The following CENPC variants were observed in gnomAD, a reference collection of about 807,000 sequenced individuals.
The protein encoded by CENPC is centromere protein C, also known as CENP-C 1.
A neutral mutation model predicts 112.1 loss-of-function variants in CENPC; 63 were observed. The ratio of observed to expected loss-of-function variants is 0.56; its 90% confidence interval spans 0.46 to 0.69. The LOEUF (loss-of-function observed/expected upper bound fraction) is 0.69. Among genes scored for constraint, CENPC ranks in the 30% least tolerant of loss-of-function variants. The probability of loss-of-function intolerance (pLI) is 0.00; values close to 1 mark genes in which losing one functional copy is unlikely to be tolerated. For missense variants in CENPC, 1,000 were observed against 1,103.8 expected, an observed-to-expected ratio of 0.91 and a Z score of 1.33; for synonymous variants, 333 against 367.6, an observed-to-expected ratio of 0.91 and a Z score of 1.08.
At chr4:67,519,579 G>T in intron 5 of CENPC, 77 bp from the exon 6 acceptor site, 2 of 970,958 alleles carry the variant, frequency 2.1e-6, no homozygotes, top group Non-Finnish European at 2.9e-6. Context: ...TAAAAATTCT[G>T]CAATAATTTA....
intron 11 of CENPC, 70 bp downstream of exon 11, chr4:67,506,718 C>T: frequency 8.5e-7 from 1 of 1,181,930 alleles, no homozygotes; most frequent in Non-Finnish European, 1.1e-6. Flanking sequence ...AAATAAAGTT[C>T]TTGGGTAATC....
At chr4:67,487,028 T>A (rs564226678) in intron 17 of CENPC, among the ~76,000 whole-genome samples, 57 of 150,530 alleles carry the variant, frequency 3.8e-4, no homozygotes, top group African/African-American at 1.4e-3. Context: ...TCTTGGATAG[T>A]GTTGTATTTT....
chr4:67,530,106 A>T (rs545386724), intron 5 of CENPC, among the ~76,000 whole-genome samples: 2 of 152,230 alleles, frequency 1.3e-5, no homozygotes, highest in Admixed American at 6.5e-5. Context: ...TTTATTTTTT[A>T]AAAAAAGGTT....
At chr4:67,539,420 C>T (rs186230717) in intron 4 of CENPC, among the ~76,000 whole-genome samples, 6 of 152,180 alleles carry the variant, frequency 3.9e-5, no homozygotes, top group Admixed American at 3.9e-4. Context: ...GTTAAGTCAA[C>T]CAATACTTTA....
intron 4 of CENPC, among the ~76,000 whole-genome samples, chr4:67,533,245 T>A (rs1726614031): frequency 6.6e-6 from 1 of 152,236 alleles, no homozygotes; most frequent in African/African-American, 2.4e-5. Context: ...CATGGGTTTA[T>A]CAGGGGTTAC....
chr4:67,477,800 T>C (rs890589857), intron 17 of CENPC, among the ~76,000 whole-genome samples: 1 of 152,082 alleles, frequency 6.6e-6, no homozygotes, highest in African/African-American at 2.4e-5. Context: ...GAATTTTTTT[T>C]TAAAAATACA....
chr4:67,493,614 C>A, intron 14 of CENPC: 2 of 283,274 alleles, frequency 7.1e-6, no homozygotes, highest in Non-Finnish European at 1.3e-5. Flanking sequence ...TTACCTTTAC[C>A]AGTTACAATT....
intron 5 of CENPC, among the ~76,000 whole-genome samples, chr4:67,525,059 A>G (rs937467407): frequency 1.3e-5 from 2 of 152,230 alleles, no homozygotes; most frequent in Admixed American, 6.5e-5. Context: ...CAAACCTGAC[A>G]AAAACAAGCA....
chr4:67,528,936 G>A (rs1189259233), intron 5 of CENPC, among the ~76,000 whole-genome samples: 10 of 152,130 alleles, frequency 6.6e-5, no homozygotes, highest in Non-Finnish European at 1.5e-4. Flanking sequence ...ATTCCCACCA[G>A]TGATGCATGA....
At chr4:67,519,112 C>T in intron 6 of CENPC, 105 bp downstream of exon 6, 1 of 786,474 alleles carries the variant, frequency 1.3e-6, no homozygotes, top group South Asian at 2.3e-5. Flanking sequence ...TGTTAATATT[C>T]CTCCTTCCTT....
intron 5 of CENPC, among the ~76,000 whole-genome samples, chr4:67,520,203 A>G (rs1413598014): frequency 1.3e-5 from 2 of 152,136 alleles, no homozygotes; most frequent in Admixed American, 1.3e-4. Flanking sequence ...TCGGCCATGG[A>G]GCACTCCTTA....
chr4:67,526,062 T>G (rs1726367000), intron 5 of CENPC, among the ~76,000 whole-genome samples: 1 of 151,636 alleles, frequency 6.6e-6, no homozygotes, highest in South Asian at 2.1e-4. Flanking sequence ...CTCAACAAAC[T>G]AAAACAGAAA....
At chr4:67,507,847 A>G (rs1725779761) in intron 10 of CENPC, among the ~76,000 whole-genome samples, 1 of 152,156 alleles carries the variant, frequency 6.6e-6, no homozygotes, top group African/African-American at 2.4e-5. Context: ...CCAGCAACAC[A>G]ATAAAATAAA....
rs1348045333 is a variant in CENPC, at chr4:67,512,442, G to A, written c.1572C>T (p.Ser524=). 6.2e-7 allele frequency: 1 copy of A among 1,600,908 alleles called. No individual in the cohort carries two copies. The highest frequency in any genetic ancestry group is 8.5e-7 in the Non-Finnish European group (1 of 1,174,088). The change falls in exon 9 of 19, where the codon TCC becomes TCT. Residue 524 remains serine (S), a synonymous_variant. Transcript: ENST00000273853. The stretch of plus-strand genomic sequence containing the variant: ...CCACCCACCAATCAGATGGACGCCT[G>A]GAAATTCTTCGACTTTTCGTGACAG... ...TSTVTKSRRI[S]RRPSDWWVVK...
chr4:67,541,232 T>C (rs1199149874), intron 2 of CENPC, among the ~76,000 whole-genome samples, 182 bp from the exon 3 acceptor site: 2 of 152,154 alleles, frequency 1.3e-5, no homozygotes, highest in Non-Finnish European at 2.9e-5. Context: ...ACTCTTTCCT[T>C]CCTAATAAGA....
rs767043982 is a variant in CENPC at position 67,530,795 on chromosome 4, C to T, written c.331+20G>A. 14 of 1,270,544 alleles carry T rather than the reference C, an allele frequency of 1.1e-5. No homozygotes were observed. In the Admixed American group the frequency reaches 2.9e-4, roughly 26 times the overall value. 78.7% of individuals were successfully genotyped at this position (1,270,544 alleles called of 1,614,324 possible). Reference sequence around the variant, plus strand: ...TTTAAATATATCCAAGCAAATAATGCCCATGGAGATGGCACCAACCTGATC... The same window carrying T: ...TTTAAATATATCCAAGCAAATAATGTCCATGGAGATGGCACCAACCTGATC... On this transcript the variant is annotated intron_variant, in intron 5 of 18. Coordinates refer to ENST00000273853, the MANE Select transcript of CENPC (RefSeq NM_001812.4).
intron 12 of CENPC, among the ~76,000 whole-genome samples, chr4:67,497,775 G>A (rs947359014): frequency 5.9e-5 from 8 of 136,582 alleles, no homozygotes; most frequent in African/African-American, 1.4e-4. Context: ...TCAAGTGACC[G>A]GCCTCGCCTC....
At chr4:67,480,629 G>C (rs1037452682) in intron 17 of CENPC, among the ~76,000 whole-genome samples, 3 of 152,200 alleles carry the variant, frequency 2.0e-5, no homozygotes, top group Non-Finnish European at 4.4e-5. Context: ...CCAAAAGACA[G>C]AGAGGAGTCA....
At chr4:67,521,415 T>C (rs1047702686) in intron 5 of CENPC, among the ~76,000 whole-genome samples, 2 of 152,130 alleles carry the variant, frequency 1.3e-5, no homozygotes, top group Non-Finnish European at 2.9e-5. Context: ...CAGTAAGTAG[T>C]GATTTTTAAA....
Sources: allele counts gnomAD v4.1 joint callset (sites outside exome capture counted in the v4.1 genomes callset), GRCh38; gene constraint gnomAD v4.1.1; transcripts MANE v1.5; gene names NCBI Gene and HGNC (gene_info 2026-07-23, HGNC 2026-07-21).